Variants in CORO1C observed in about 807,000 individuals in gnomAD.
CORO1C encodes coronin 1C.
A neutral mutation model predicts 51.2 loss-of-function variants in CORO1C; 14 were observed. That is an observed-to-expected ratio of 0.27 (90% confidence interval 0.18 to 0.43). The LOEUF (loss-of-function observed/expected upper bound fraction) is 0.43, where lower values mean the gene tolerates loss of function less well. Ranked by LOEUF, CORO1C falls within the 20% of genes least tolerant of loss-of-function variation. The pLI, the probability that CORO1C is intolerant of heterozygous loss-of-function variation, is 1.00. For missense variants in CORO1C, 417 were observed against 607.8 expected, an observed-to-expected ratio of 0.69 and a Z score of 3.30; for synonymous variants, 181 against 210.5, an observed-to-expected ratio of 0.86 and a Z score of 1.21.
chr12:108,717,370 C>A (rs953110301), intron 1 of CORO1C, among the ~76,000 whole-genome samples: 3 of 152,198 alleles, frequency 2.0e-5, no homozygotes, highest in African/African-American at 7.2e-5. Context: ...TCTGTACTTG[C>A]AGTCTTGGGA....
intron 6 of CORO1C, 64 bp from the exon 7 acceptor site, chr12:108,654,474 T>C: frequency 1.1e-6 from 1 of 907,326 alleles, no homozygotes; most frequent in South Asian, 1.7e-5. Flanking sequence ...AATAAATTTT[T>C]ATAACCTTAT....
chr12:108,712,457 C>T (rs954732295), intron 1 of CORO1C, among the ~76,000 whole-genome samples: 2 of 151,050 alleles, frequency 1.3e-5, no homozygotes, highest in African/African-American at 4.9e-5. Flanking sequence ...GCCTGTAATC[C>T]CAGCTACTCA....
chr12:108,688,984 G>T (rs1223050538), intron 2 of CORO1C, among the ~76,000 whole-genome samples: 1 of 149,524 alleles, frequency 6.7e-6, no homozygotes, highest in African/African-American at 2.5e-5. Context: ...TGAGCTGAGA[G>T]CGTACCACTA....
chr12:108,687,782 C>CAAT (rs958570070), intron 2 of CORO1C, among the ~76,000 whole-genome samples: 1 of 150,916 alleles, frequency 6.6e-6, no homozygotes. Context: ...GACTCTGTCT[C>CAAT]AATAATAATA....
intron 2 of CORO1C, among the ~76,000 whole-genome samples, chr12:108,687,221 T>C (rs971226166): frequency 1.3e-5 from 2 of 152,186 alleles, no homozygotes; most frequent in African/African-American, 4.8e-5. Context: ...CAAATTGCTA[T>C]AAAAGGAAAG....
intron 8 of CORO1C, among the ~76,000 whole-genome samples, chr12:108,651,190 G>GTT (rs1452546673): frequency 6.6e-6 from 1 of 152,140 alleles, no homozygotes; most frequent in Non-Finnish European, 1.5e-5. Context: ...TTTGGAAGAC[G>GTT]TAAGTATCAA....
chr12:108,700,875 T>G, intron 2 of CORO1C: 1 of 408,810 alleles, frequency 2.4e-6, no homozygotes, highest in East Asian at 3.9e-5. Context: ...CTGCCCATGC[T>G]CACAACATCG....
At chr12:108,692,096 T>C (rs1294227798) in intron 2 of CORO1C, among the ~76,000 whole-genome samples, 1 of 151,774 alleles carries the variant, frequency 6.6e-6, no homozygotes, top group Non-Finnish European at 1.5e-5. Flanking sequence ...CGTGCTCGTG[T>C]GGCTGGCAGC....
In CORO1C at chr12:108,661,528, A is replaced by C. The variant is rs191582717; in HGVS notation, c.448+501T>G. 3.8e-4 allele frequency among the ~76,000 whole-genome samples: 58 copies of C among 152,344 alleles called. No individual in the cohort carries two copies. The East Asian group carries it at 0.01, about 27-fold the overall frequency. Reference sequence around the variant, plus strand: ...CTTCTCTCTGAGTGGTGGGATTAAAAGTGATTTTTTTTTCCTTTTGTTTAT... The same window carrying C: ...CTTCTCTCTGAGTGGTGGGATTAAACGTGATTTTTTTTTCCTTTTGTTTAT... On this transcript the variant is annotated intron_variant, in intron 4 of 10. Coordinates refer to ENST00000261401, the MANE Select transcript of CORO1C (RefSeq NM_014325.4).
chr12:108,670,331 T>C (rs1343557148), intron 3 of CORO1C, among the ~76,000 whole-genome samples: 2 of 152,076 alleles, frequency 1.3e-5, no homozygotes, highest in Non-Finnish European at 2.9e-5. Flanking sequence ...TTTTGCCTTT[T>C]CCAACAGAAG....
chr12:108,701,419 G>A, intron 1 of CORO1C, 96 bp from the exon 2 acceptor site: 1 of 1,563,564 alleles, frequency 6.4e-7, no homozygotes, highest in Non-Finnish European at 8.7e-7. Flanking sequence ...AAACAGAATG[G>A]TATGGCATTT....
chr12:108,687,643 C>T (rs1468127969), intron 2 of CORO1C, among the ~76,000 whole-genome samples: 2 of 151,070 alleles, frequency 1.3e-5, no homozygotes, highest in South Asian at 2.1e-4. Flanking sequence ...AAATTAGCTG[C>T]GCTTGATGGT....
chr12:108,694,552 G>A (rs764703461), intron 2 of CORO1C, among the ~76,000 whole-genome samples: 7 of 151,962 alleles, frequency 4.6e-5, no homozygotes, highest in Non-Finnish European at 8.8e-5. Flanking sequence ...ATCACTTTTA[G>A]TCCCATCAAT....
At chr12:108,705,398 CGCAGTGA>C (rs2034996588) in intron 1 of CORO1C, among the ~76,000 whole-genome samples, 1 of 137,146 alleles carries the variant, frequency 7.3e-6, no homozygotes. Flanking sequence ...AGGCAGAGGT[CGCAGTGA>C]GCCGAGATCA....
chr12:108,687,207 T>G (rs2034324582), intron 2 of CORO1C, among the ~76,000 whole-genome samples: 1 of 152,118 alleles, frequency 6.6e-6, no homozygotes, highest in South Asian at 2.1e-4. Flanking sequence ...AAATATAACT[T>G]TATCAAATTG....
At chr12:108,678,170 C>G (rs888371711) in intron 3 of CORO1C, 102 bp downstream of exon 3, 1 of 1,026,370 alleles carries the variant, frequency 9.7e-7, no homozygotes, top group African/African-American at 1.6e-5. Flanking sequence ...TAACGTTCTG[C>G]TTTTCAAGCC....
At position 108,687,094 on chromosome 12, in the gene CORO1C, G is replaced by A. The variant is rs117863216; in HGVS notation, c.196-8700C>T. On this transcript the variant is annotated intron_variant, in intron 2 of 10. Transcript: ENST00000261401. ...TAGCTACAACACAGCCGAGTTCCTG[G>A]AGACTGATACTTCAACTAAACCCAC... is the stretch of plus-strand genomic sequence containing the variant. Among the ~76,000 whole-genome samples, 123 of 152,234 alleles carry A rather than the reference G, an allele frequency of 8.1e-4. No homozygotes were observed. The East Asian group carries it at 0.021, about 26-fold the overall frequency.
At chr12:108,689,406 C>T (rs901481104) in intron 2 of CORO1C, among the ~76,000 whole-genome samples, 1 of 152,210 alleles carries the variant, frequency 6.6e-6, no homozygotes, top group African/African-American at 2.4e-5. Context: ...AAATATTCCC[C>T]TTTAAGAAGC....
intron 1 of CORO1C, among the ~76,000 whole-genome samples, chr12:108,720,819 G>A (rs895507848): frequency 6.6e-5 from 10 of 152,080 alleles, no homozygotes; most frequent in Non-Finnish European, 8.8e-5. Context: ...CACCGCACCC[G>A]GCAAATATTT....
Sources: gnomAD v4.1 joint callset for allele counts (sites outside exome capture counted in the v4.1 genomes callset) on GRCh38, gnomAD v4.1.1 for gene constraint, MANE v1.5 for transcripts, NCBI Gene and HGNC (gene_info 2026-07-23, HGNC 2026-07-21) for gene names.